AGO3: variants seen among roughly 807,000 people sequenced by gnomAD.
AGO3 encodes argonaute RISC catalytic component 3.
Under a neutral mutation model 105.5 loss-of-function variants are expected in AGO3, and 16 were observed. That is an observed-to-expected ratio of 0.15 (90% CI 0.10 to 0.23). AGO3 has a LOEUF of 0.23. AGO3 is among the 10% of genes least tolerant of loss of function. The pLI is 1.00. For missense variants in AGO3, 534 were observed against 1,088.0 expected (o/e 0.49, Z 7.16); for synonymous variants, 340 against 367.3 (o/e 0.93, Z 0.85).
At chr1:36,021,693 T>C (rs1331552703) in intron 11 of AGO3, among the ~76,000 whole-genome samples, 1 of 152,194 alleles carries the variant, frequency 6.6e-6, no homozygotes, top group Admixed American at 6.5e-5. Flanking sequence ...ATGTCAAAGA[T>C]TGAAAACACT....
intron 2 of AGO3, among the ~76,000 whole-genome samples, chr1:35,948,462 C>T (rs1193865908): frequency 7.1e-6 from 1 of 141,666 alleles, no homozygotes; most frequent in Non-Finnish European, 1.6e-5. Context: ...TTGTGGTCCC[C>T]CCCCGCCCCC....
At chr1:35,993,696 C>A (rs901602293) in intron 5 of AGO3, among the ~76,000 whole-genome samples, 1 of 145,188 alleles carries the variant, frequency 6.9e-6, no homozygotes, top group African/African-American at 2.6e-5. Context: ...TTCACAAATT[C>A]TTTCAGAAAA....
chr1:36,006,667 T>C (rs1640348467), intron 6 of AGO3, among the ~76,000 whole-genome samples: 1 of 152,186 alleles, frequency 6.6e-6, no homozygotes, highest in African/African-American at 2.4e-5. Flanking sequence ...TTTTCTAGTC[T>C]CCTTTATAAT....
intron 16 of AGO3, among the ~76,000 whole-genome samples, chr1:36,041,276 C>T (rs1569909295): frequency 8.5e-6 from 1 of 118,034 alleles, no homozygotes; most frequent in African/African-American, 3.3e-5. Context: ...GAGTCTCACT[C>T]TGTCGCCCAG....
chr1:35,954,843 A>T (rs900684347), intron 2 of AGO3, among the ~76,000 whole-genome samples: 4 of 152,238 alleles, frequency 2.6e-5, no homozygotes, highest in Non-Finnish European at 5.9e-5. Context: ...TAATTGTATC[A>T]TAAAAGGTAC....
At chr1:36,052,144 G>T (rs192686953) in intron 17 of AGO3, among the ~76,000 whole-genome samples, 6 of 152,212 alleles carry the variant, frequency 3.9e-5, no homozygotes, top group Admixed American at 3.9e-4. Context: ...ATTACAATAG[G>T]CAAGATATGG....
intron 17 of AGO3, among the ~76,000 whole-genome samples, chr1:36,051,107 A>C (rs1320923291): frequency 6.6e-6 from 1 of 151,956 alleles, no homozygotes; most frequent in Non-Finnish European, 1.5e-5. Context: ...TAGCCACTGC[A>C]CCCAGCCTCA....
chr1:35,946,284 T>G (rs1015418677), intron 2 of AGO3, among the ~76,000 whole-genome samples: 1 of 152,186 alleles, frequency 6.6e-6, no homozygotes, highest in African/African-American at 2.4e-5. Context: ...GTTTCATGCT[T>G]TCTTTTCTCC....
intron 5 of AGO3, among the ~76,000 whole-genome samples, chr1:36,003,694 C>CAAAAAAAAAAAAAA (rs1209511459): frequency 3.7e-5 from 2 of 53,478 alleles, no homozygotes; most frequent in Non-Finnish European, 6.1e-5. Flanking sequence ...AAGTCTGTCT[C>CAAAAAAAAAAAAAA]AAAAAAAAAA....
rs552745164 is a variant in AGO3, at chr1:36,060,312, A to G, written c.*4567A>G. 3.3e-5 allele frequency: 5 copies of G among 152,342 alleles called. No homozygotes were observed. The South Asian group carries it at 1.0e-3, about 32-fold the overall frequency. The allele number at this position is 152,342 out of a possible 1,614,324, so 9.4% of individuals were successfully genotyped here. On this transcript the variant is annotated 3_prime_UTR_variant, in exon 19 of 19. Coordinates refer to ENST00000373191, the MANE Select transcript of AGO3 (RefSeq NM_024852.4). ...TGAAAGACTGAAGGCATGTCTAGGG[A>G]AATAAAACCTGACTTGCCCTTCAGC...
At chr1:35,945,970 C>A in intron 2 of AGO3, 107 bp downstream of exon 2, 3 of 1,128,610 alleles carry the variant, frequency 2.7e-6, no homozygotes, top group South Asian at 2.0e-5. Flanking sequence ...ACAGTTTGAC[C>A]AAAAACATCT....
rs772139674 is a variant in AGO3, at chr1:35,931,256, T to C, written c.-171T>C. On this transcript the variant is annotated 5_prime_UTR_variant, in exon 1 of 19. Transcript: ENST00000373191. ...CTGTGCCGTTTTCCGTCCGCGACTCTTCCGGCCCAGAGCTTTCGGAGTGCG... is the reference window on the plus strand; with the variant it reads ...CTGTGCCGTTTTCCGTCCGCGACTCCTCCGGCCCAGAGCTTTCGGAGTGCG... 2.2e-5 allele frequency: 11 copies of C among 490,586 alleles called. No individual in the cohort carries two copies. Among genetic ancestry groups the C allele is most frequent in the Non-Finnish European group, 3.9e-5 (11 of 283,950 alleles). The allele number at this position is 490,586 out of a possible 1,614,324, so 30.4% of individuals were successfully genotyped here. A position where few individuals can be genotyped will look rare whatever the true frequency, so the allele number is the denominator to read the frequency against.
rs142799826 is a variant in AGO3, at chr1:36,048,238, T to C, written c.2274+4690T>C. Reference sequence around the variant, plus strand: ...GGCAGAGGTTGCAGTGAGCTATGATTGTGCCACTGTACTCCAGCCTGGGCA... The same window carrying C: ...GGCAGAGGTTGCAGTGAGCTATGATCGTGCCACTGTACTCCAGCCTGGGCA... On this transcript the variant is annotated intron_variant, in intron 17 of 18. Transcript: ENST00000373191. Among the ~76,000 whole-genome samples, 82 of 151,906 alleles carry C rather than the reference T, an allele frequency of 5.4e-4. 1 individual carries two copies. In the East Asian group the frequency reaches 0.014, roughly 25 times the overall value.
At chr1:36,046,053 A>G (rs1642455840) in intron 17 of AGO3, among the ~76,000 whole-genome samples, 1 of 152,172 alleles carries the variant, frequency 6.6e-6, no homozygotes, top group Admixed American at 6.5e-5. Context: ...AGAGGATCCC[A>G]GCAATCCCCA....
intron 5 of AGO3, among the ~76,000 whole-genome samples, chr1:35,978,292 C>T (rs555794166): frequency 2.6e-5 from 4 of 152,210 alleles, no homozygotes; most frequent in Non-Finnish European, 4.4e-5. Flanking sequence ...CTGGTTCAAG[C>T]GATTGTCCTG....
chr1:36,006,840 A>G (rs753768001), intron 6 of AGO3, among the ~76,000 whole-genome samples: 11 of 152,146 alleles, frequency 7.2e-5, no homozygotes, highest in Non-Finnish European at 1.2e-4. Flanking sequence ...TTAACATCTT[A>G]ATTTGTTCTG....
intron 5 of AGO3, among the ~76,000 whole-genome samples, chr1:35,987,831 AG>A (rs1197187688): frequency 6.6e-6 from 1 of 151,914 alleles, no homozygotes; most frequent in Non-Finnish European, 1.5e-5. Flanking sequence ...GCACTTTGGA[AG>A]GCCTAGGTGG....
At chr1:35,992,626 G>A (rs1647787186) in intron 5 of AGO3, among the ~76,000 whole-genome samples, 1 of 152,144 alleles carries the variant, frequency 6.6e-6, no homozygotes, top group South Asian at 2.1e-4. Context: ...TTATTAAAGG[G>A]CAGGGGCTTT....
intron 5 of AGO3, among the ~76,000 whole-genome samples, chr1:35,989,227 T>A (rs1054390636): frequency 1.3e-5 from 2 of 152,200 alleles, no homozygotes; most frequent in Non-Finnish European, 2.9e-5. Flanking sequence ...AAGAGTACTC[T>A]AAGAAAGGGA....
Sources: gnomAD v4.1 joint callset for allele counts (sites outside exome capture counted in the v4.1 genomes callset) on GRCh38, gnomAD v4.1.1 for gene constraint, MANE v1.5 for transcripts, NCBI Gene and HGNC (gene_info 2026-07-23, HGNC 2026-07-21) for gene names.